Variants in HDAC4 observed in about 807,000 individuals in gnomAD.
The protein encoded by HDAC4 is histone deacetylase 4, also known as histone deacetylase A.
Under a neutral mutation model 135.1 loss-of-function variants are expected in HDAC4, and 16 were observed. The ratio of observed to expected loss-of-function variants is 0.12; its 90% CI spans 0.08 to 0.18. HDAC4 has a LOEUF of 0.18. Ranked by LOEUF, HDAC4 falls within the 10% of genes least tolerant of loss-of-function variation. The pLI, the probability that HDAC4 is intolerant of heterozygous loss-of-function variation, is 1.00. For synonymous variants in HDAC4, 685 were observed against 653.4 expected (o/e 1.05, Z -0.74); for missense variants, 1,143 against 1,511.8 (o/e 0.76, Z 4.05).
At chr2:239,200,663 T>G (rs1003388380) in intron 3 of HDAC4, among the ~76,000 whole-genome samples, 1 of 152,204 alleles carries the variant, frequency 6.6e-6, no homozygotes, top group Admixed American at 6.5e-5. Context: ...TGCTTTCCAT[T>G]GAAATCAAAA....
At chr2:239,104,065 G>T (rs3791399) in intron 15 of HDAC4, among the ~76,000 whole-genome samples, 3 of 151,834 alleles carry the variant, frequency 2.0e-5, no homozygotes, top group East Asian at 2.0e-4. Context: ...ACGGCTTCCG[G>T]TGGTAAAAAA....
At chr2:239,252,062 G>C (rs1160350324) in intron 2 of HDAC4, among the ~76,000 whole-genome samples, 2 of 152,210 alleles carry the variant, frequency 1.3e-5, no homozygotes, top group Non-Finnish European at 2.9e-5. Context: ...GCGACTTGCT[G>C]TTGGATGTTC....
chr2:239,058,993 C>T (rs1359031335), intron 24 of HDAC4, among the ~76,000 whole-genome samples: 2 of 152,200 alleles, frequency 1.3e-5, no homozygotes, highest in Admixed American at 1.3e-4. Flanking sequence ...AAAATAAATG[C>T]CAACCACACT....
rs1357095652 is a variant in HDAC4 at position 239,331,649 on chromosome 2, C to G, written c.22+21029G>C. ...GTCGCCAGGGCTGCACTGGACCCAC[C>G]GTGCGGGGACTGCCAGGTAAACCTC... On this transcript the variant is annotated intron_variant, in intron 2 of 26. Transcript: ENST00000543185. This position sits in a 1 kb window ranked among gnomAD's most constrained non-coding sequence, Gnocchi z 4.5. Among the ~76,000 whole-genome samples the G allele has an allele frequency of 6.6e-6, 1 of 152,168 alleles. No individual in the cohort carries two copies. The highest frequency in any genetic ancestry group is 1.5e-5 in the Non-Finnish European group (1 of 68,034).
In HDAC4 at chr2:239,115,320, G is replaced by A. The variant is rs781088329; in HGVS notation, c.1534-10C>T. 19 of 1,613,022 alleles carry A rather than the reference G, an allele frequency of 1.2e-5. No individual in the cohort carries two copies. The highest frequency in any genetic ancestry group is 1.4e-5 in the Non-Finnish European group (17 of 1,179,946). On this transcript the variant is annotated splice_polypyrimidine_tract_variant and intron_variant, in intron 12 of 26. Transcript: ENST00000543185. This position sits in a 1 kb window ranked among gnomAD's most constrained non-coding sequence, Gnocchi z 6.3. ...TTGGCTTGGGGATGATCTGCAAGGC[G>A]GAGGTAACACATGAAGCACAGAGAG...
chr2:239,276,142 C>T (rs1487117104), intron 2 of HDAC4, among the ~76,000 whole-genome samples: 7 of 152,208 alleles, frequency 4.6e-5, no homozygotes, highest in South Asian at 2.1e-4. Flanking sequence ...CCGACCCCCA[C>T]GCCAGCAAGT....
chr2:239,330,381 G>A (rs1559367540), intron 2 of HDAC4, among the ~76,000 whole-genome samples: 2 of 152,376 alleles, frequency 1.3e-5, no homozygotes, highest in African/African-American at 4.8e-5. Flanking sequence ...AAAGGCCTGA[G>A]CAAGGGCCAC....
chr2:239,156,324 T>TCAC (rs2042421438), intron 7 of HDAC4, among the ~76,000 whole-genome samples: 2 of 152,196 alleles, frequency 1.3e-5, no homozygotes, highest in Non-Finnish European at 2.9e-5. Context: ...GGAACTTGCT[T>TCAC]CACCCTGTGA....
At chr2:239,145,304 G>T (rs1162296278) in intron 7 of HDAC4, among the ~76,000 whole-genome samples, 1 of 152,106 alleles carries the variant, frequency 6.6e-6, no homozygotes, top group African/African-American at 2.4e-5. Context: ...GACCTGGGGA[G>T]GCTCAGCAGA....
intron 2 of HDAC4, among the ~76,000 whole-genome samples, chr2:239,315,931 G>A (rs2053096263): frequency 6.6e-6 from 1 of 152,210 alleles, no homozygotes; most frequent in African/African-American, 2.4e-5. Context: ...AAAGCAGCAT[G>A]AGAAAGAATG....
chr2:239,314,953 T>C (rs6719970), intron 2 of HDAC4, among the ~76,000 whole-genome samples: 15,548 of 152,248 alleles, frequency 0.1, 898 homozygotes, highest in Non-Finnish European at 0.12. Context: ...CCTTTTGGAA[T>C]TGCTGATAGA....
intron 1 of HDAC4, among the ~76,000 whole-genome samples, chr2:239,375,239 G>A (rs1575772606): frequency 6.6e-6 from 1 of 152,206 alleles, no homozygotes; most frequent in Non-Finnish European, 1.5e-5. Context: ...GGAATCAGAG[G>A]AGCAGAGGGT....
At position 239,262,193 on chromosome 2, in the gene HDAC4, G is replaced by A. The variant is rs1011037011; in HGVS notation, c.23-25529C>T. 4.6e-5 allele frequency among the ~76,000 whole-genome samples: 7 copies of A among 152,182 alleles called. No individual in the cohort carries two copies. The highest frequency in any genetic ancestry group is 8.8e-5 in the Non-Finnish European group (6 of 68,030). Reference sequence around the variant, plus strand: ...CTGAGACCCACGACAAGGTATCCACGTGGCTTTTTATAAGCTAGTATTTCC... The same window carrying A: ...CTGAGACCCACGACAAGGTATCCACATGGCTTTTTATAAGCTAGTATTTCC... On this transcript the variant is annotated intron_variant, in intron 2 of 26. Coordinates refer to ENST00000543185, the MANE Select transcript of HDAC4 (RefSeq NM_001378414.1). This position sits in a 1 kb window ranked among gnomAD's most constrained non-coding sequence, Gnocchi z 4.1.
chr2:239,158,632 C>G (rs1280671792), intron 6 of HDAC4, among the ~76,000 whole-genome samples: 3 of 152,024 alleles, frequency 2.0e-5, no homozygotes, highest in African/African-American at 7.3e-5. Flanking sequence ...TGGACCACCT[C>G]GATGGATCCA....
At chr2:239,122,421 C>T (rs1475397610) in intron 12 of HDAC4, among the ~76,000 whole-genome samples, 5 of 152,220 alleles carry the variant, frequency 3.3e-5, no homozygotes, top group South Asian at 2.1e-4. Flanking sequence ...ACGTGGCCAG[C>T]GAACACGGAG....
At chr2:239,082,274 C>T (rs1222499728) in intron 20 of HDAC4, 53 bp from the exon 21 acceptor site, 3 of 1,613,314 alleles carry the variant, frequency 1.9e-6, no homozygotes, top group African/African-American at 1.3e-5. Flanking sequence ...TGGAGGGTGG[C>T]CTCCCCTGAG....
At chr2:239,392,688 G>C (rs1451461793) in intron 1 of HDAC4, among the ~76,000 whole-genome samples, 1 of 152,190 alleles carries the variant, frequency 6.6e-6, no homozygotes, top group South Asian at 2.1e-4. Flanking sequence ...TACGGGGCTC[G>C]GACATGAGTC....
chr2:239,090,104 T>C lies in HDAC4; in HGVS notation c.2293A>G (p.Thr765Ala). 6.2e-7 allele frequency: 1 copy of C among 1,609,476 alleles called. No individual in the cohort carries two copies. Among genetic ancestry groups the C allele is most frequent in the Non-Finnish European group, 8.5e-7 (1 of 1,176,208 alleles). Reference protein sequence around the residue: ...PCGGVGVDSDTIWNEVHSAGA... With the variant: ...PCGGVGVDSDAIWNEVHSAGA... ...GCCGAGTGCACCTCGTTCCATATGG[T>C]GTCACTGTCCACCTGTGGAAACAAC... The change falls in exon 18 of 27, where the codon ACC (threonine) becomes GCC (alanine). Residue 765 changes from threonine (T) to alanine (A), a missense_variant. Coordinates refer to ENST00000543185, the MANE Select transcript of HDAC4 (RefSeq NM_001378414.1).
chr2:239,199,736 C>CTT (rs35353470), intron 3 of HDAC4, among the ~76,000 whole-genome samples: 30 of 139,094 alleles, frequency 2.2e-4, no homozygotes, highest in African/African-American at 7.7e-4. Flanking sequence ...CTGTACATTT[C>CTT]TTTTTTTTTT....
Sources: allele counts gnomAD v4.1 joint callset (sites outside exome capture counted in the v4.1 genomes callset), GRCh38; gene constraint gnomAD v4.1.1; non-coding constraint Gnocchi (gnomAD v3.1); transcripts MANE v1.5; gene names NCBI Gene and HGNC (gene_info 2026-07-23, HGNC 2026-07-21).